The following ANOS1 variants were observed in gnomAD, a reference collection of about 807,000 sequenced individuals.
ANOS1 encodes anosmin-1.
A neutral mutation model predicts 59.0 loss-of-function variants in ANOS1; 6 were observed. The observed-to-expected ratio is 0.10, with a 90% confidence interval of 0.06 to 0.20. ANOS1 has a LOEUF of 0.20. Among genes scored for constraint, ANOS1 ranks in the 10% least tolerant of loss-of-function variants. The probability of loss-of-function intolerance (pLI) is 1.00; values close to 1 mark genes in which losing one functional copy is unlikely to be tolerated. For synonymous variants in ANOS1, 217 were observed against 223.4 expected, an observed-to-expected ratio of 0.97 and a Z score of 0.25; for missense variants, 433 against 542.3, an observed-to-expected ratio of 0.80 and a Z score of 2.00.
intron 8 of ANOS1, among the ~76,000 whole-genome samples, chrX:8,556,610 C>T (rs1929954101): frequency 9.0e-6 from 1 of 111,249 alleles, no homozygotes; most frequent in Non-Finnish European, 1.9e-5. Flanking sequence ...CCTAGGAATC[C>T]AACTTACAAG....
chrX:8,539,210 G>C (rs1371583315), intron 10 of ANOS1, among the ~76,000 whole-genome samples: 1 of 110,178 alleles, frequency 9.1e-6, no homozygotes, highest in Non-Finnish European at 1.9e-5. Flanking sequence ...TACAGGACAG[G>C]GAGATTATTT....
At chrX:8,687,782 C>T (rs980753255) in intron 2 of ANOS1, among the ~76,000 whole-genome samples, 1 of 112,024 alleles carries the variant, frequency 8.9e-6, no homozygotes, top group Non-Finnish European at 1.9e-5. Flanking sequence ...TAAAAGATCT[C>T]TTGAGAAAGG....
At chrX:8,570,140 C>CT (rs1930201498) in intron 7 of ANOS1, among the ~76,000 whole-genome samples, 1 of 73,866 alleles carries the variant, frequency 1.4e-5, no homozygotes, top group African/African-American at 4.7e-5. Flanking sequence ...CTCTCTCTCT[C>CT]AAAAAAAAAA....
At chrX:8,593,246 G>A (rs897725621) in intron 4 of ANOS1, among the ~76,000 whole-genome samples, 1 of 111,707 alleles carries the variant, frequency 9.0e-6, no homozygotes, top group African/African-American at 3.3e-5. Context: ...GGGGGTTAGT[G>A]TCACATGGAT....
intron 2 of ANOS1, among the ~76,000 whole-genome samples, chrX:8,687,061 A>G (rs1932534190): frequency 8.9e-6 from 1 of 112,254 alleles, no homozygotes; most frequent in African/African-American, 3.2e-5. Flanking sequence ...AGCAGCCCCA[A>G]CGACTAGGTT....
chrX:8,618,163 G>C (rs948627796), intron 3 of ANOS1, among the ~76,000 whole-genome samples: 1 of 111,781 alleles, frequency 8.9e-6, no homozygotes, highest in Non-Finnish European at 1.9e-5. Flanking sequence ...GACTGTTATG[G>C]GAATCAAATC....
chrX:8,655,610 AG>A (rs1931920042), intron 2 of ANOS1, among the ~76,000 whole-genome samples: 1 of 111,249 alleles, frequency 9.0e-6, no homozygotes, highest in African/African-American at 3.3e-5. Flanking sequence ...AGGAAGCCCA[AG>A]ACACTTGTCA....
chrX:8,668,241 C>T (rs1332273048), intron 2 of ANOS1, among the ~76,000 whole-genome samples: 2 of 106,983 alleles, frequency 1.9e-5, no homozygotes, highest in African/African-American at 6.8e-5. Context: ...GCTTTTGCAT[C>T]CTCATAGCTT....
chrX:8,690,655 C>T (rs1346673308), intron 2 of ANOS1, among the ~76,000 whole-genome samples: 1 of 111,727 alleles, frequency 9.0e-6, no homozygotes, highest in Admixed American at 9.6e-5. Flanking sequence ...TTTCCACAGT[C>T]ATATTCAGAT....
At chrX:8,565,471 C>T (rs1309595660) in intron 8 of ANOS1, among the ~76,000 whole-genome samples, 2 of 111,833 alleles carry the variant, frequency 1.8e-5, no homozygotes, top group Non-Finnish European at 3.8e-5. Context: ...TCTGTAACTA[C>T]GCTGATATTT....
chrX:8,702,526 T>A (rs1932762144), intron 1 of ANOS1, among the ~76,000 whole-genome samples: 3 of 111,772 alleles, frequency 2.7e-5, no homozygotes, highest in East Asian at 2.8e-4. Context: ...ACTTCCTACA[T>A]GACAGCCAGC....
chrX:8,640,836 C>A (rs1354816118), intron 2 of ANOS1, among the ~76,000 whole-genome samples: 1 of 111,752 alleles, frequency 8.9e-6, no homozygotes, highest in Non-Finnish European at 1.9e-5. Context: ...AATTTCTACT[C>A]TGGAAAGAAA....
intron 4 of ANOS1, among the ~76,000 whole-genome samples, chrX:8,596,184 C>T (rs1032287462): frequency 1.8e-5 from 2 of 111,045 alleles, no homozygotes; most frequent in Non-Finnish European, 3.8e-5. Flanking sequence ...ATGTAATGTG[C>T]TTGAATCATC....
In ANOS1 at chrX:8,592,922, C is replaced by T. The variant is rs753721272; in HGVS notation, c.541+4112G>A. Among the ~76,000 whole-genome samples the T allele has an allele frequency of 3.4e-4, 38 of 111,525 alleles. 1 individual carries two copies. In the South Asian group the frequency reaches 0.013, roughly 40 times the overall value. On this transcript the variant is annotated intron_variant, in intron 4 of 13. Transcript: ENST00000262648. ...AGGCATCAGTTAAGTGCAGTTCTTA[C>T]AGCATAGCCCAAAATCATATTTTCA... is the stretch of plus-strand genomic sequence containing the variant.
At chrX:8,549,861 TAACAACAAAA>T (rs1399139450) in intron 9 of ANOS1, among the ~76,000 whole-genome samples, 1 of 112,255 alleles carries the variant, frequency 8.9e-6, no homozygotes, top group African/African-American at 3.2e-5. Context: ...CAGTATCCAT[TAACAACAAAA>T]ACTTTGCAAG....
chrX:8,657,324 G>A (rs774186148), intron 2 of ANOS1, among the ~76,000 whole-genome samples: 2 of 112,140 alleles, frequency 1.8e-5, no homozygotes, highest in South Asian at 7.4e-4. Flanking sequence ...TGTAATAGAC[G>A]TGAGCCTTAG....
At chrX:8,695,679 T>C (rs1245267041) in intron 2 of ANOS1, among the ~76,000 whole-genome samples, 1 of 97,169 alleles carries the variant, frequency 1.0e-5, no homozygotes, top group Non-Finnish European at 2.0e-5. Flanking sequence ...GTTACACTAT[T>C]CACAGTAGCT....
At chrX:8,549,668 C>T (rs1191350260) in intron 9 of ANOS1, among the ~76,000 whole-genome samples, 1 of 112,151 alleles carries the variant, frequency 8.9e-6, no homozygotes, top group Non-Finnish European at 1.9e-5. Context: ...CACTGAAACA[C>T]CTAAGGTGTC....
chrX:8,683,810 G>A (rs1932463585), intron 2 of ANOS1, among the ~76,000 whole-genome samples: 1 of 111,646 alleles, frequency 9.0e-6, no homozygotes, highest in Non-Finnish European at 1.9e-5. Context: ...ACAGAATGCA[G>A]GCAAACTAGT....
Sources: gnomAD v4.1 joint callset for allele counts (sites outside exome capture counted in the v4.1 genomes callset) on GRCh38, gnomAD v4.1.1 for gene constraint, MANE v1.5 for transcripts, NCBI Gene and HGNC (gene_info 2026-07-23, HGNC 2026-07-21) for gene names.